TMEM132D: variants seen among roughly 807,000 people sequenced by gnomAD.
The protein encoded by TMEM132D is mature OL transmembrane protein.
A neutral mutation model predicts 62.3 loss-of-function variants in TMEM132D; 21 were observed. The observed-to-expected ratio is 0.34, with a 90% CI of 0.24 to 0.49. The LOEUF is 0.49. Among genes scored for constraint, TMEM132D ranks in the 20% least tolerant of loss-of-function variants. The probability of loss-of-function intolerance (pLI) is 0.99; values close to 1 mark genes in which losing one functional copy is unlikely to be tolerated. For missense variants in TMEM132D, 1,346 were observed against 1,402.8 expected, an observed-to-expected ratio of 0.96 and a Z score of 0.65; for synonymous variants, 621 against 575.6, an observed-to-expected ratio of 1.08 and a Z score of -1.13.
At chr12:129,276,655 G>A (rs1284993167) in intron 4 of TMEM132D, among the ~76,000 whole-genome samples, 2 of 152,130 alleles carry the variant, frequency 1.3e-5, no homozygotes, top group African/African-American at 4.8e-5. Flanking sequence ...AGACAAAGAG[G>A]AAACTACAAA....
At chr12:129,568,689 T>C (rs1186398026) in intron 2 of TMEM132D, among the ~76,000 whole-genome samples, 1 of 152,240 alleles carries the variant, frequency 6.6e-6, no homozygotes, top group Non-Finnish European at 1.5e-5. Flanking sequence ...GTTTGGTTCA[T>C]TATTCTATAT....
intron 2 of TMEM132D, among the ~76,000 whole-genome samples, chr12:129,676,644 C>T (rs562852203): frequency 5.9e-5 from 9 of 152,106 alleles, no homozygotes; most frequent in East Asian, 1.9e-4. Flanking sequence ...CTTATTACTG[C>T]GGGGAGGGCA....
intron 5 of TMEM132D, among the ~76,000 whole-genome samples, chr12:129,157,119 C>G (rs1462025122): frequency 6.6e-6 from 1 of 152,182 alleles, no homozygotes; most frequent in Non-Finnish European, 1.5e-5. Flanking sequence ...TATCCCACTT[C>G]TATGATAGCT....
intron 1 of TMEM132D, among the ~76,000 whole-genome samples, chr12:129,810,297 AT>A (rs1005938629): frequency 2.6e-5 from 4 of 152,134 alleles, no homozygotes; most frequent in Admixed American, 6.5e-5. Flanking sequence ...TTGTCCATAT[AT>A]TTTTTTTAAA....
At chr12:129,495,246 C>T (rs1874916733) in intron 3 of TMEM132D, among the ~76,000 whole-genome samples, 1 of 146,730 alleles carries the variant, frequency 6.8e-6, no homozygotes, top group South Asian at 2.2e-4. Flanking sequence ...AGGATATAAG[C>T]AACCCATAAG....
At chr12:129,666,667 G>A (rs1416563091) in intron 2 of TMEM132D, among the ~76,000 whole-genome samples, 1 of 152,124 alleles carries the variant, frequency 6.6e-6, no homozygotes, top group Non-Finnish European at 1.5e-5. Flanking sequence ...GCTGAAAACA[G>A]TCAGACCTTA....
intron 1 of TMEM132D, among the ~76,000 whole-genome samples, chr12:129,774,558 A>G (rs537914690): frequency 3.0e-4 from 46 of 152,316 alleles, no homozygotes; most frequent in African/African-American, 9.1e-4. Flanking sequence ...ATCATTGGTA[A>G]CAGTGAGGGA....
intron 5 of TMEM132D, among the ~76,000 whole-genome samples, chr12:129,159,333 G>C (rs930681680): frequency 6.6e-6 from 1 of 152,128 alleles, no homozygotes; most frequent in Non-Finnish European, 1.5e-5. Context: ...CCTGAAACCG[G>C]GCAGTGGCTG....
At chr12:129,819,988 A>G (rs1361912932) in intron 1 of TMEM132D, among the ~76,000 whole-genome samples, 2 of 152,066 alleles carry the variant, frequency 1.3e-5, no homozygotes, top group Admixed American at 6.5e-5. Flanking sequence ...ACGTTTGTTC[A>G]TGGCAGCTGA....
chr12:129,799,325 A>G (rs968079506), intron 1 of TMEM132D, among the ~76,000 whole-genome samples: 1 of 151,838 alleles, frequency 6.6e-6, no homozygotes, highest in Non-Finnish European at 1.5e-5. Context: ...ACACACACAT[A>G]TTATATATGT....
At chr12:129,294,532 C>T (rs1209782204) in intron 4 of TMEM132D, among the ~76,000 whole-genome samples, 2 of 152,144 alleles carry the variant, frequency 1.3e-5, no homozygotes, top group African/African-American at 4.8e-5. Context: ...TTTACCCTTT[C>T]CAGAGGGCTA....
chr12:129,227,076 A>G (rs1311542661), intron 4 of TMEM132D, among the ~76,000 whole-genome samples: 3 of 152,178 alleles, frequency 2.0e-5, no homozygotes, highest in African/African-American at 7.2e-5. Context: ...AATCCCCTCA[A>G]GGAGGAATTT....
intron 4 of TMEM132D, among the ~76,000 whole-genome samples, chr12:129,256,235 CA>C (rs374910747): frequency 2.4e-4 from 36 of 152,174 alleles, no homozygotes; most frequent in African/African-American, 8.4e-4. Context: ...CTGCAATCAT[CA>C]TGTCCATTTG....
intron 1 of TMEM132D, among the ~76,000 whole-genome samples, chr12:129,704,212 T>A (rs772883273): frequency 2.6e-5 from 4 of 152,238 alleles, no homozygotes; most frequent in Non-Finnish European, 4.4e-5. Context: ...CTGGCAATCC[T>A]CAGCATGGTA....
chr12:129,651,196 CAG>C (rs1879918923), intron 2 of TMEM132D, among the ~76,000 whole-genome samples: 1 of 152,118 alleles, frequency 6.6e-6, no homozygotes, highest in African/African-American at 2.4e-5. Flanking sequence ...CTCTCCCATC[CAG>C]CAAAGCACAA....
At chr12:129,425,324 G>A (rs571221150) in intron 3 of TMEM132D, among the ~76,000 whole-genome samples, 1 of 152,026 alleles carries the variant, frequency 6.6e-6, no homozygotes, top group East Asian at 1.9e-4. Context: ...TTAAGAAACT[G>A]AGGAAGCTTC....
chr12:129,864,769 G>A (rs1448632629), intron 1 of TMEM132D, among the ~76,000 whole-genome samples: 1 of 152,218 alleles, frequency 6.6e-6, no homozygotes, highest in East Asian at 1.9e-4. Flanking sequence ...AGTTTGGGTT[G>A]GATGTCTGTC....
At chr12:129,377,442 G>T (rs752696366) in intron 3 of TMEM132D, among the ~76,000 whole-genome samples, 10 of 152,290 alleles carry the variant, frequency 6.6e-5, no homozygotes, top group Admixed American at 2.0e-4. Flanking sequence ...GGAGGTCTTA[G>T]AGAAGAGCAT....
intron 1 of TMEM132D, among the ~76,000 whole-genome samples, chr12:129,731,083 G>T (rs1308857639): frequency 6.6e-6 from 1 of 152,100 alleles, no homozygotes; most frequent in African/African-American, 2.4e-5. Flanking sequence ...CACCAGGGGT[G>T]TGCTCTCTGA....
Sources: allele counts gnomAD v4.1 joint callset (sites outside exome capture counted in the v4.1 genomes callset), GRCh38; gene constraint gnomAD v4.1.1; transcripts MANE v1.5; gene names NCBI Gene and HGNC (gene_info 2026-07-23, HGNC 2026-07-21).